TBCE: variants seen among roughly 807,000 people sequenced by gnomAD.
The protein encoded by TBCE is tubulin folding cofactor E.
In TBCE, 53 loss-of-function variants were observed where a neutral mutation model predicts 77.0. The ratio of observed to expected loss-of-function variants is 0.69; its 90% CI spans 0.55 to 0.87. The LOEUF (loss-of-function observed/expected upper bound fraction) is 0.87, where lower values mean the gene tolerates loss of function less well. Ranked by LOEUF, TBCE falls within the 40% of genes least tolerant of loss-of-function variation. The pLI is 0.00. For synonymous variants in TBCE, 235 were observed against 241.3 expected (o/e 0.97, Z 0.24); for missense variants, 624 against 622.4 (o/e 1.00, Z -0.03).
At chr1:235,387,193 G>A (rs1678065964) in intron 2 of TBCE, among the ~76,000 whole-genome samples, 1 of 152,196 alleles carries the variant, frequency 6.6e-6, no homozygotes, top group African/African-American at 2.4e-5. Context: ...CGTGTGAGGT[G>A]TCAGTCTGCC....
chr1:235,400,964 A>G (rs1394457971), intron 2 of TBCE, among the ~76,000 whole-genome samples: 1 of 150,754 alleles, frequency 6.6e-6, no homozygotes, highest in Non-Finnish European at 1.5e-5. Flanking sequence ...TTGGCCTTGC[A>G]AAGTGCTGGG....
intron 4 of TBCE, among the ~76,000 whole-genome samples, chr1:235,417,528 C>G (rs1467570904): frequency 6.6e-6 from 1 of 152,112 alleles, no homozygotes; most frequent in Non-Finnish European, 1.5e-5. Context: ...CAGTCTGATT[C>G]CAGGGTTTGG....
intron 4 of TBCE, 176 bp from the exon 5 acceptor site, chr1:235,419,297 T>G: frequency 1.1e-6 from 1 of 893,938 alleles, no homozygotes; most frequent in Non-Finnish European, 1.7e-6. Context: ...TTGTAATATT[T>G]GTAGTGCTCT....
chr1:235,420,834 G>A (rs1182933493), intron 5 of TBCE, among the ~76,000 whole-genome samples: 1 of 152,012 alleles, frequency 6.6e-6, no homozygotes, highest in Non-Finnish European at 1.5e-5. Flanking sequence ...CCACATTGGC[G>A]AGGCTGGTCA....
intron 14 of TBCE, among the ~76,000 whole-genome samples, chr1:235,442,546 G>C (rs1383226750): frequency 6.6e-6 from 1 of 152,166 alleles, no homozygotes; most frequent in Non-Finnish European, 1.5e-5. Context: ...TCATTTAATA[G>C]TGTTATAAAT....
chr1:235,372,136 C>T (rs1435010681), intron 1 of TBCE, among the ~76,000 whole-genome samples: 1 of 152,176 alleles, frequency 6.6e-6, no homozygotes, highest in Non-Finnish European at 1.5e-5. Flanking sequence ...CGTGCACCAC[C>T]ACACCCAGCT....
chr1:235,379,394 T>C (rs1406104953), intron 1 of TBCE, among the ~76,000 whole-genome samples: 1 of 151,830 alleles, frequency 6.6e-6, no homozygotes, highest in African/African-American at 2.4e-5. Context: ...AACAGCATGG[T>C]GGTGGGTGCT....
chr1:235,436,820 A>T (rs1453322105), intron 11 of TBCE, among the ~76,000 whole-genome samples: 2 of 152,210 alleles, frequency 1.3e-5, no homozygotes, highest in African/African-American at 2.4e-5. Flanking sequence ...TAAATGGCAC[A>T]TTAATAGAGT....
intron 13 of TBCE, among the ~76,000 whole-genome samples, chr1:235,439,335 CAAAA>C (rs564864054): frequency 7.1e-6 from 1 of 140,928 alleles, no homozygotes; most frequent in African/African-American, 2.7e-5. Context: ...ACTAAAAATA[CAAAA>C]AAAAAAATGA....
At chr1:235,436,758 A>C in intron 11 of TBCE, 150 bp downstream of exon 11, 2 of 762,968 alleles carry the variant, frequency 2.6e-6, no homozygotes, top group Non-Finnish European at 4.5e-6. Context: ...TAAGAAGCCA[A>C]AAATATTAAG....
rs181645938 is a variant in TBCE, at chr1:235,403,142, T to C, written c.185+1555T>C. Among the ~76,000 whole-genome samples the C allele has an allele frequency of 2.0e-5, 3 of 152,266 alleles. No individual in the cohort carries two copies. In the East Asian group the frequency reaches 5.8e-4, roughly 29 times the overall value. Reference sequence around the variant, plus strand: ...CAGGTTATATGGTTAGGGAGAAATATTTTAGCCAGGCCCACAGATTCCTTA... The same window carrying C: ...CAGGTTATATGGTTAGGGAGAAATACTTTAGCCAGGCCCACAGATTCCTTA... On this transcript the variant is annotated intron_variant, in intron 3 of 16. Transcript: ENST00000642610.
chr1:235,373,092 G>A (rs1228847399), intron 1 of TBCE, among the ~76,000 whole-genome samples: 2 of 151,952 alleles, frequency 1.3e-5, no homozygotes, highest in African/African-American at 4.8e-5. Context: ...CCAGCACTTT[G>A]GGAATCCTCA....
chr1:235,374,797 AG>A lies in TBCE; in HGVS notation c.-31-5221del, dbSNP rs1292835883. Among the ~76,000 whole-genome samples the A allele has an allele frequency of 4.4e-4, 64 of 144,440 alleles. 4 individuals are homozygous for A. Among genetic ancestry groups the A allele is most frequent in the Non-Finnish European group, 2.7e-4 (18 of 66,170 alleles). The allele number at this position is 144,440 out of a possible 152,430, so 94.8% of individuals were successfully genotyped here. A position where few individuals can be genotyped will look rare whatever the true frequency, so the allele number is the denominator to read the frequency against. On this transcript the variant is annotated intron_variant, in intron 1 of 16. Coordinates refer to ENST00000642610, the MANE Select transcript of TBCE (RefSeq NM_003193.5). ...ATTACAGGTGTGAGCTACTGTGCCC[AG>A]CTGGCCTTCCACATTTAAATGTTGT...
intron 15 of TBCE, among the ~76,000 whole-genome samples, chr1:235,447,258 A>C (rs1279640035): frequency 6.6e-6 from 1 of 152,232 alleles, no homozygotes; most frequent in Non-Finnish European, 1.5e-5. Flanking sequence ...AGTTGGATAA[A>C]AACACACAGC....
At chr1:235,396,954 G>GTTTATTTATTTATTTATTTATTTA (rs143979836) in intron 2 of TBCE, among the ~76,000 whole-genome samples, 1 of 148,350 alleles carries the variant, frequency 6.7e-6, no homozygotes, top group African/African-American at 2.5e-5. Context: ...TTTGTTGATT[G>GTTTATTTATTTATTTATTTATTTA]TTTATTTATT....
At chr1:235,394,286 G>T (rs1341515296) in intron 2 of TBCE, among the ~76,000 whole-genome samples, 1 of 151,996 alleles carries the variant, frequency 6.6e-6, no homozygotes, top group East Asian at 1.9e-4. Context: ...GTGTTAGCCA[G>T]GATAGTCTCG....
chr1:235,386,913 T>C (rs1678044713), intron 2 of TBCE, among the ~76,000 whole-genome samples: 1 of 152,294 alleles, frequency 6.6e-6, no homozygotes, highest in South Asian at 2.1e-4. Flanking sequence ...CTCTGTTTTT[T>C]CCCCATCTTT....
At chr1:235,389,821 C>G (rs1348503068) in intron 2 of TBCE, among the ~76,000 whole-genome samples, 1 of 151,894 alleles carries the variant, frequency 6.6e-6, no homozygotes, top group African/African-American at 2.4e-5. Context: ...CATTTTAAAA[C>G]TTACTTTAAA....
intron 2 of TBCE, among the ~76,000 whole-genome samples, chr1:235,381,715 C>T (rs767627032): frequency 7.3e-5 from 10 of 136,798 alleles, no homozygotes; most frequent in Non-Finnish European, 1.3e-4. Flanking sequence ...AAAAAAAAGA[C>T]TGATTTGCTT....
Sources: gnomAD v4.1 joint callset for allele counts (sites outside exome capture counted in the v4.1 genomes callset) on GRCh38, gnomAD v4.1.1 for gene constraint, MANE v1.5 for transcripts, NCBI Gene and HGNC (gene_info 2026-07-23, HGNC 2026-07-21) for gene names.